Variants in NEDD4L observed in about 807,000 individuals in gnomAD.
The protein encoded by NEDD4L is E3 ubiquitin-protein ligase NEDD4-like.
NEDD4L carries 54 observed loss-of-function variants against 148.9 expected under a neutral mutation model. The observed-to-expected ratio is 0.36, with a 90% CI of 0.29 to 0.45. The LOEUF (loss-of-function observed/expected upper bound fraction) is 0.45, where lower values mean the gene tolerates loss of function less well. NEDD4L is among the 20% of genes least tolerant of loss of function. The pLI, the probability that NEDD4L is intolerant of heterozygous loss-of-function variation, is 1.00. For missense variants in NEDD4L, 856 were observed against 1,233.8 expected (o/e 0.69, Z 4.59); for synonymous variants, 433 against 440.7 (o/e 0.98, Z 0.22).
At chr18:58,176,833 A>G (rs1465908139) in intron 2 of NEDD4L, among the ~76,000 whole-genome samples, 1 of 152,226 alleles carries the variant, frequency 6.6e-6, no homozygotes, top group Admixed American at 6.5e-5. Flanking sequence ...TCAGTCTAGA[A>G]TGATGCTGGG....
At chr18:58,238,409 C>G (rs2046270703) in intron 2 of NEDD4L, among the ~76,000 whole-genome samples, 1 of 152,018 alleles carries the variant, frequency 6.6e-6, no homozygotes, top group Non-Finnish European at 1.5e-5. Context: ...TTTTTGATAA[C>G]TTTTTTATAC....
At chr18:58,073,584 G>A (rs934657108) in intron 1 of NEDD4L, among the ~76,000 whole-genome samples, 1 of 152,216 alleles carries the variant, frequency 6.6e-6, no homozygotes, top group Non-Finnish European at 1.5e-5. Flanking sequence ...CCTTGAAAAC[G>A]TATGGTAGGT....
intron 13 of NEDD4L, among the ~76,000 whole-genome samples, chr18:58,340,572 A>T (rs2042293065): frequency 6.6e-6 from 1 of 152,176 alleles, no homozygotes; most frequent in African/African-American, 2.4e-5. Flanking sequence ...TAGGGTCCTA[A>T]GCTGATGGAG....
chr18:58,390,490 G>A (rs1254263672), intron 28 of NEDD4L, 156 bp from the exon 29 acceptor site: 1 of 577,978 alleles, frequency 1.7e-6, no homozygotes, highest in East Asian at 2.8e-5. Context: ...AGGCCAGCTA[G>A]TATTGTGGCC....
At chr18:58,084,875 G>T (rs755350876) in intron 1 of NEDD4L, among the ~76,000 whole-genome samples, 14 of 151,896 alleles carry the variant, frequency 9.2e-5, no homozygotes, top group Non-Finnish European at 1.5e-4. Context: ...TCGTAATTTT[G>T]GTAGAGACTG....
chr18:58,363,507 A>G (rs2045750480), intron 19 of NEDD4L, among the ~76,000 whole-genome samples: 1 of 152,208 alleles, frequency 6.6e-6, no homozygotes, highest in African/African-American at 2.4e-5. Context: ...TGACTCTAAG[A>G]TATTGTAAGC....
chr18:58,338,428 A>G (rs913334909), intron 13 of NEDD4L, among the ~76,000 whole-genome samples: 2 of 152,232 alleles, frequency 1.3e-5, no homozygotes, highest in Admixed American at 1.3e-4. Flanking sequence ...AAGTTGTTCT[A>G]TGTGGTCATT....
chr18:58,104,356 C>G (rs966755480), intron 1 of NEDD4L, among the ~76,000 whole-genome samples: 1 of 152,160 alleles, frequency 6.6e-6, no homozygotes, highest in Non-Finnish European at 1.5e-5. Flanking sequence ...AAATGAGGAA[C>G]AACTGCTTAA....
intron 1 of NEDD4L, among the ~76,000 whole-genome samples, chr18:58,123,417 C>G (rs1318473733): frequency 2.0e-5 from 3 of 152,162 alleles, no homozygotes; most frequent in East Asian, 1.9e-4. Flanking sequence ...GTGGACCCAC[C>G]ACCTTTTCAC....
At chr18:58,296,005 C>T (rs2055509577) in intron 5 of NEDD4L, among the ~76,000 whole-genome samples, 1 of 152,152 alleles carries the variant, frequency 6.6e-6, no homozygotes, top group Non-Finnish European at 1.5e-5. Flanking sequence ...GGTCTGTGGG[C>T]ACACACCAAA....
intron 1 of NEDD4L, among the ~76,000 whole-genome samples, chr18:58,134,108 C>T (rs963382311): frequency 6.6e-6 from 1 of 152,132 alleles, no homozygotes; most frequent in African/African-American, 2.4e-5. Context: ...TTAAGTGATT[C>T]TCCTGCCTCA....
At chr18:58,111,387 C>A (rs2085409185) in intron 1 of NEDD4L, among the ~76,000 whole-genome samples, 1 of 145,570 alleles carries the variant, frequency 6.9e-6, no homozygotes, top group South Asian at 2.1e-4. Flanking sequence ...ATTTTTATTA[C>A]CCATAAAAGG....
intron 1 of NEDD4L, among the ~76,000 whole-genome samples, chr18:58,072,590 G>A (rs985120862): frequency 5.3e-5 from 8 of 152,164 alleles, no homozygotes; most frequent in Admixed American, 2.0e-4. Context: ...ATTTGATAAA[G>A]ACTGTCTATG....
At chr18:58,176,788 A>G (rs1474892393) in intron 2 of NEDD4L, among the ~76,000 whole-genome samples, 1 of 152,198 alleles carries the variant, frequency 6.6e-6, no homozygotes, top group Non-Finnish European at 1.5e-5. Context: ...GACAGAGTGG[A>G]AGGAAAACTA....
intron 1 of NEDD4L, among the ~76,000 whole-genome samples, chr18:58,092,108 A>T (rs1458464895): frequency 6.6e-6 from 1 of 152,234 alleles, no homozygotes; most frequent in East Asian, 1.9e-4. Context: ...CAAGTTACAG[A>T]TGTGAGTAAA....
At chr18:58,333,262 A>G (rs919346005) in intron 11 of NEDD4L, among the ~76,000 whole-genome samples, 1 of 151,526 alleles carries the variant, frequency 6.6e-6, no homozygotes, top group African/African-American at 2.4e-5. Context: ...TGAGCAATAG[A>G]ACAAGACTCT....
At chr18:58,230,228 A>G (rs997047600) in intron 2 of NEDD4L, among the ~76,000 whole-genome samples, 1 of 152,222 alleles carries the variant, frequency 6.6e-6, no homozygotes, top group Non-Finnish European at 1.5e-5. Flanking sequence ...ATTTCCTCCC[A>G]AAGTTAGTCC....
chr18:58,075,714 A>G (rs934852551), intron 1 of NEDD4L, among the ~76,000 whole-genome samples: 1 of 152,120 alleles, frequency 6.6e-6, no homozygotes, highest in Non-Finnish European at 1.5e-5. Flanking sequence ...TCACTTGAGA[A>G]AAGGAGTTCG....
chr18:58,142,645 T>G (rs72942997), intron 1 of NEDD4L, among the ~76,000 whole-genome samples: 1,993 of 152,330 alleles, frequency 0.013, 19 homozygotes, highest in Non-Finnish European at 0.017. Flanking sequence ...GTTTAATATA[T>G]TTCTCATTAC....
Sources: gnomAD v4.1 joint callset for allele counts (sites outside exome capture counted in the v4.1 genomes callset) on GRCh38, gnomAD v4.1.1 for gene constraint, MANE v1.5 for transcripts, NCBI Gene and HGNC (gene_info 2026-07-23, HGNC 2026-07-21) for gene names.